LMBRD2: variants seen among roughly 807,000 people sequenced by gnomAD.
LMBRD2 encodes the protein LMBR1 domain containing 2, also known as G protein-coupled receptor-associated protein LMBRD2.
In LMBRD2, 55 loss-of-function variants were observed where a neutral mutation model predicts 94.4. The observed-to-expected ratio is 0.58, with a 90% CI of 0.47 to 0.73. The LOEUF (loss-of-function observed/expected upper bound fraction) is 0.73. Among genes scored for constraint, LMBRD2 ranks in the 30% least tolerant of loss-of-function variants. LMBRD2 has a pLI of 0.00. For missense variants in LMBRD2, 640 were observed against 831.9 expected (o/e 0.77, Z 2.84); for synonymous variants, 246 against 272.4 (o/e 0.90, Z 0.95).
intron 4 of LMBRD2, among the ~76,000 whole-genome samples, chr5:36,139,030 C>A (rs564413341): frequency 1.1e-3 from 161 of 152,288 alleles, no homozygotes; most frequent in African/African-American, 3.8e-3. Context: ...AGCCCCACCC[C>A]CTTCCGAGTT....
chr5:36,128,790 C>T (rs940733534), intron 6 of LMBRD2, among the ~76,000 whole-genome samples: 8 of 152,250 alleles, frequency 5.3e-5, no homozygotes, highest in Middle Eastern at 3.4e-3. Flanking sequence ...GAGATATGTG[C>T]CCTTTCAGAC....
In LMBRD2 at chr5:36,105,069, T is replaced by A. The variant is rs1256261857; in HGVS notation, c.2026A>T (p.Arg676Trp). 2 of 1,611,914 alleles carry A rather than the reference T, an allele frequency of 1.2e-6. No homozygotes were observed. Among genetic ancestry groups the A allele is most frequent in the Admixed American group, 3.3e-5 (2 of 59,858 alleles). Residue 676 changes from arginine (R) to tryptophan (W), a missense_variant and splice_region_variant, in exon 17 of 18, where the codon AGG becomes TGG. Transcript: ENST00000296603. Reference protein sequence around the residue: ...TDDPLESESGRYQPGGRYLSM... With the variant: ...TDDPLESESGWYQPGGRYLSM... ...TAAAATGTCACAGCCAGAACTTACCTTCCTGATTCAGATTCAAGAGGATCA... is the reference window on the plus strand; with the variant it reads ...TAAAATGTCACAGCCAGAACTTACCATCCTGATTCAGATTCAAGAGGATCA...
rs118140243 is a variant in LMBRD2, at chr5:36,105,377, T to C, written c.1898-180A>G. Reference sequence around the variant, plus strand: ...TAAAATTATAAGCAGTATAATAGAATATAGCAAGGAAAAGTTCTCTAGGCT... The same window carrying C: ...TAAAATTATAAGCAGTATAATAGAACATAGCAAGGAAAAGTTCTCTAGGCT... On this transcript the variant is annotated intron_variant, in intron 16 of 17. Transcript: ENST00000296603. Among the ~76,000 whole-genome samples the C allele has an allele frequency of 3.8e-4, 58 of 152,246 alleles. No individual in the cohort carries two copies. In the East Asian group the frequency reaches 8.7e-3, roughly 23 times the overall value.
At chr5:36,124,605 C>A (rs1341140740) in intron 6 of LMBRD2, among the ~76,000 whole-genome samples, 5 of 152,140 alleles carry the variant, frequency 3.3e-5, no homozygotes, top group Non-Finnish European at 7.4e-5. Context: ...GCCTTACTCA[C>A]CAAGATCAAT....
chr5:36,142,716 CTT>C (rs878956939), intron 2 of LMBRD2, 117 bp from the exon 3 acceptor site: 4,963 of 386,206 alleles, frequency 0.013, 5 homozygotes, highest in African/African-American at 0.025. Context: ...ATGCTTTATT[CTT>C]TTTTTTTTTT....
intron 14 of LMBRD2, 116 bp downstream of exon 14, chr5:36,111,039 C>A: frequency 1.6e-6 from 1 of 641,974 alleles, no homozygotes; most frequent in Non-Finnish European, 2.6e-6. Context: ...TGCATTAATT[C>A]ATAATTTCTT....
intron 16 of LMBRD2, among the ~76,000 whole-genome samples, 191 bp downstream of exon 16, chr5:36,108,343 A>G (rs2111843738): frequency 6.6e-6 from 1 of 152,264 alleles, no homozygotes; most frequent in South Asian, 2.1e-4. Flanking sequence ...TCCTTTCCCT[A>G]CCACAGTACA....
Position 36,116,495 on chromosome 5 carries a change from G to A in LMBRD2, c.1401C>T (p.His467=), listed in dbSNP as rs1384603455. The change falls in exon 11 of 18, where the codon CAC becomes CAT. Residue 467 remains histidine (H), a synonymous_variant. Coordinates refer to ENST00000296603, the MANE Select transcript of LMBRD2 (RefSeq NM_001007527.2). The part of the protein sequence containing the change: ...VFNYYYLASH[H]QTDAYSLLFS... ...AAAGAAGGCTATAAGCATCAGTCTG[G>A]TGATGTGAGGCCAAATAATAATAGT... 6.2e-7 allele frequency: 1 copy of A among 1,613,148 alleles called. No individual in the cohort carries two copies. Among genetic ancestry groups the A allele is most frequent in the Non-Finnish European group, 8.5e-7 (1 of 1,179,232 alleles).
chr5:36,137,508 C>A, intron 4 of LMBRD2, 67 bp from the exon 5 acceptor site: 1 of 1,046,864 alleles, frequency 9.6e-7, no homozygotes, highest in Non-Finnish European at 1.3e-6. Flanking sequence ...TCTCAAAGTG[C>A]CAGAAATATA....
At chr5:36,143,543 A>C (rs932862978) in intron 1 of LMBRD2, 137 bp from the exon 2 acceptor site, 3 of 408,048 alleles carry the variant, frequency 7.4e-6, no homozygotes, top group Admixed American at 4.3e-5. Context: ...TTGGACTATG[A>C]ATAAGATTAA....
chr5:36,131,458 T>A (rs759022529), intron 6 of LMBRD2, among the ~76,000 whole-genome samples: 7 of 152,192 alleles, frequency 4.6e-5, no homozygotes, highest in Non-Finnish European at 8.8e-5. Flanking sequence ...CCACTGTTAT[T>A]CAATATAGTA....
intron 2 of LMBRD2, 22 bp downstream of exon 2, chr5:36,143,154 G>C: frequency 6.6e-7 from 1 of 1,521,922 alleles, no homozygotes; most frequent in Non-Finnish European, 8.9e-7. Flanking sequence ...TTTAAATTGT[G>C]AAAATAAATT....
At chr5:36,117,406 C>T in intron 10 of LMBRD2, among the ~76,000 whole-genome samples, 1 of 151,964 alleles carries the variant, frequency 6.6e-6, no homozygotes, top group East Asian at 1.9e-4. Flanking sequence ...ATTTCTTGAG[C>T]CCGGGAAGTT....
Position 36,114,408 on chromosome 5 carries a change from ATGTT to A in LMBRD2, c.1640+12_1640+15del. 6.4e-7 allele frequency: 1 copy of A among 1,552,122 alleles called. No individual in the cohort carries two copies. The highest frequency in any genetic ancestry group is 1.3e-5 in the South Asian group (1 of 79,794). Reference sequence around the variant, plus strand: ...AGATTTAAGAGCAAAAGAAAAAACAATGTTAAGTTTCTTACCTAAAATAAGTAGC... The same window carrying A: ...AGATTTAAGAGCAAAAGAAAAAACAAAAGTTTCTTACCTAAAATAAGTAGC... On this transcript the variant is annotated intron_variant, in intron 13 of 17. Coordinates refer to ENST00000296603, the MANE Select transcript of LMBRD2 (RefSeq NM_001007527.2).
chr5:36,124,137 T>C, intron 7 of LMBRD2, 54 bp downstream of exon 7: 2 of 1,010,020 alleles, frequency 2.0e-6, no homozygotes, highest in Non-Finnish European at 3.0e-6. Context: ...ACTTTTGGTA[T>C]AATATTATAT....
chr5:36,139,485 G>A (rs1339242338), intron 4 of LMBRD2, among the ~76,000 whole-genome samples: 1 of 152,200 alleles, frequency 6.6e-6, no homozygotes, highest in Non-Finnish European at 1.5e-5. Flanking sequence ...TTCAAGCCAG[G>A]GACAGCCTGA....
chr5:36,135,843 A>G (rs898887455), intron 6 of LMBRD2, among the ~76,000 whole-genome samples: 2 of 152,214 alleles, frequency 1.3e-5, no homozygotes, highest in Non-Finnish European at 2.9e-5. Context: ...AAGATTACAG[A>G]TAGGAAACAA....
intron 15 of LMBRD2, 66 bp downstream of exon 15, chr5:36,109,879 G>T: frequency 6.8e-6 from 8 of 1,168,320 alleles, no homozygotes; most frequent in Non-Finnish European, 7.5e-6. Flanking sequence ...TTCCAAATTA[G>T]TAAGATTCTT....
chr5:36,139,768 G>C (rs2111905748), intron 4 of LMBRD2, among the ~76,000 whole-genome samples: 1 of 152,182 alleles, frequency 6.6e-6, no homozygotes, highest in South Asian at 2.1e-4. Flanking sequence ...TCTCCACTGA[G>C]AGCTATACTT....
Sources: gnomAD v4.1 joint callset for allele counts (sites outside exome capture counted in the v4.1 genomes callset) on GRCh38, gnomAD v4.1.1 for gene constraint, MANE v1.5 for transcripts, NCBI Gene and HGNC (gene_info 2026-07-23, HGNC 2026-07-21) for gene names.